The following SLC3A2 variants were observed in gnomAD, a reference collection of about 807,000 sequenced individuals.
SLC3A2 encodes solute carrier family 3 member 2.
A neutral mutation model predicts 48.5 loss-of-function variants in SLC3A2; 32 were observed. The ratio of observed to expected loss-of-function variants is 0.66; its 90% CI spans 0.50 to 0.89. The LOEUF is 0.89. Ranked by LOEUF, SLC3A2 falls within the 40% of genes least tolerant of loss-of-function variation. The pLI, the probability that SLC3A2 is intolerant of heterozygous loss-of-function variation, is 0.00. For missense variants in SLC3A2, 587 were observed against 680.7 expected (o/e 0.86, Z 1.53); for synonymous variants, 277 against 288.8 (o/e 0.96, Z 0.41).
intron 1 of SLC3A2, among the ~76,000 whole-genome samples, chr11:62,859,783 A>G (rs1442367502): frequency 3.3e-5 from 5 of 150,810 alleles, no homozygotes; most frequent in Non-Finnish European, 5.9e-5. Context: ...ATCTACTAGA[A>G]AAGAGGGCAT....
intron 1 of SLC3A2, among the ~76,000 whole-genome samples, chr11:62,875,492 C>G (rs2085561794): frequency 6.6e-6 from 1 of 152,124 alleles, no homozygotes; most frequent in African/African-American, 2.4e-5. Context: ...GCTGAGATCG[C>G]ACCACTGTAC....
intron 1 of SLC3A2, among the ~76,000 whole-genome samples, chr11:62,856,957 G>A (rs1229022149): frequency 1.3e-5 from 2 of 151,726 alleles, no homozygotes; most frequent in African/African-American, 4.8e-5. Flanking sequence ...CTGAGTAGCT[G>A]GGATTACAGG....
rs556766762 is a variant in SLC3A2 at position 62,862,759 on chromosome 11, T to C, written c.112+6378T>C. On this transcript the variant is annotated intron_variant, in intron 1 of 9. Transcript: ENST00000377889. The stretch of plus-strand genomic sequence containing the variant: ...CAGCCAATTCATTGACTGTCCTACC[T>C]TACCAAATGATTTTGCTCTTAGAGA... 2.0e-4 allele frequency among the ~76,000 whole-genome samples: 30 copies of C among 152,316 alleles called. 1 individual carries two copies. The South Asian group carries it at 6.2e-3, about 32-fold the overall frequency.
chr11:62,880,372 A>AAGCAGAGGTCT (rs1257532143), upstream of SLC3A2: 4 of 152,344 alleles, frequency 2.6e-5, no homozygotes, highest in African/African-American at 7.2e-5. Flanking sequence ...CCGTGCACGG[A>AAGCAGAGGTCT]AGCAGAGGTC....
chr11:62,864,850 C>T (rs1220229059), intron 1 of SLC3A2, among the ~76,000 whole-genome samples: 3 of 150,622 alleles, frequency 2.0e-5, no homozygotes, highest in African/African-American at 7.3e-5. Context: ...CTCACTGCAA[C>T]CTCCACCTCC....
upstream of SLC3A2, among the ~76,000 whole-genome samples, chr11:62,877,928 G>A (rs2085586435): frequency 6.6e-6 from 1 of 152,158 alleles, no homozygotes. Context: ...AGGCTGAGGC[G>A]GGCAGATCAC....
At chr11:62,856,373 A>G in exon 1 of SLC3A2, 1 of 1,610,786 alleles carries the variant, frequency 6.2e-7, no homozygotes, top group East Asian at 2.2e-5. Context: ...AGCGCGGGGG[A>G]CGACTCAGGT....
At chr11:62,856,630 T>A (rs1011261731) in intron 1 of SLC3A2, among the ~76,000 whole-genome samples, 2 of 152,094 alleles carry the variant, frequency 1.3e-5, no homozygotes, top group African/African-American at 2.4e-5. Context: ...TCCCAAGAGC[T>A]AGGTAGGATG....
chr11:62,871,632 T>C, intron 1 of SLC3A2: 1 of 663,746 alleles, frequency 1.5e-6, no homozygotes, highest in Admixed American at 2.1e-5. Context: ...CCTCAAGTGA[T>C]CCTCCTGCCT....
intron 1 of SLC3A2, among the ~76,000 whole-genome samples, chr11:62,864,429 T>TA (rs1160584688): frequency 6.6e-6 from 1 of 152,110 alleles, no homozygotes; most frequent in Admixed American, 6.5e-5. Flanking sequence ...GCTGAGGCTA[T>TA]AGGCGCGCAC....
intron 3 of SLC3A2, 198 bp from the exon 4 acceptor site, chr11:62,884,259 A>G: frequency 3.2e-6 from 2 of 617,844 alleles, no homozygotes; most frequent in South Asian, 1.9e-5. Flanking sequence ...TAGCACTAAG[A>G]AAATGAGTGG....
chr11:62,887,330 C>A (rs544049671), intron 7 of SLC3A2, among the ~76,000 whole-genome samples: 1 of 152,046 alleles, frequency 6.6e-6, no homozygotes, highest in South Asian at 2.1e-4. Flanking sequence ...TGGCTGGCAG[C>A]CATCTGGGAG....
chr11:62,865,891 A>C (rs1456554845), intron 1 of SLC3A2, among the ~76,000 whole-genome samples: 5 of 152,044 alleles, frequency 3.3e-5, no homozygotes, highest in African/African-American at 1.2e-4. Context: ...ACTTCCCCGT[A>C]TATCTTGAGT....
At chr11:62,866,762 C>T (rs2085456969) in intron 1 of SLC3A2, among the ~76,000 whole-genome samples, 1 of 152,124 alleles carries the variant, frequency 6.6e-6, no homozygotes, top group African/African-American at 2.4e-5. Context: ...CAGTTCTGTA[C>T]TTGAGGATAC....
chr11:62,870,155 T>C (rs2085496158), intron 1 of SLC3A2, among the ~76,000 whole-genome samples: 1 of 151,736 alleles, frequency 6.6e-6, no homozygotes. Context: ...ATATTCTTAT[T>C]TTTTTCTGAA....
chr11:62,881,081 G>C lies in SLC3A2; in HGVS notation c.58G>C (p.Glu20Gln), dbSNP rs1331635342. 20 of 1,608,830 alleles carry C rather than the reference G, an allele frequency of 1.2e-5. No individual in the cohort carries two copies. The highest frequency in any genetic ancestry group is 1.7e-5 in the Non-Finnish European group (20 of 1,177,558). ...GGTGGAGCTGAATGAGTTAGAGCCCGAGAAGCAGCCGATGAACGCGGCGTC... is the reference window on the plus strand; with the variant it reads ...GGTGGAGCTGAATGAGTTAGAGCCCCAGAAGCAGCCGATGAACGCGGCGTC... ...KEVELNELEP[E>Q]KQPMNAASGA... The change falls in exon 1 of 9, where the codon GAG becomes CAG. Residue 20 changes from glutamate (E) to glutamine (Q), a missense_variant. Physicochemically the swap from Glu to Gln is conservative, Grantham distance 29 (BLOSUM62 2). Coordinates refer to ENST00000338663, the MANE Select transcript of SLC3A2 (RefSeq NM_001013251.3). The surrounding 1 kb of genome is among the most constrained non-coding windows in gnomAD (Gnocchi z 4.0).
chr11:62,866,057 C>G (rs1198133253), intron 1 of SLC3A2, among the ~76,000 whole-genome samples: 3 of 151,812 alleles, frequency 2.0e-5, no homozygotes. Context: ...ACACCATTCT[C>G]TGGTCTCACA....
At chr11:62,879,597 G>A (rs2085607592), upstream of SLC3A2, among the ~76,000 whole-genome samples, 1 of 152,236 alleles carries the variant, frequency 6.6e-6, no homozygotes, top group Non-Finnish European at 1.5e-5. Context: ...GATGCCTGGG[G>A]TTGCAGAGGG....
chr11:62,887,871 C>CA, intron 7 of SLC3A2: 1 of 356,974 alleles, frequency 2.8e-6, no homozygotes. Context: ...TGGCTCACTG[C>CA]AAGCTCAAAC....
Sources: gnomAD v4.1 joint callset for allele counts (sites outside exome capture counted in the v4.1 genomes callset) on GRCh38, gnomAD v4.1.1 for gene constraint, Gnocchi (gnomAD v3.1) non-coding constraint, MANE v1.5 for transcripts, NCBI Gene and HGNC (gene_info 2026-07-23, HGNC 2026-07-21) for gene names.